Variants in PDE4D observed in about 807,000 individuals in gnomAD.
The protein encoded by PDE4D is phosphodiesterase 4D, also known as 3',5'-cyclic-AMP phosphodiesterase 4D.
PDE4D carries 24 observed loss-of-function variants against 87.4 expected under a neutral mutation model. The observed-to-expected ratio is 0.27, with a 90% CI of 0.20 to 0.39. The LOEUF (loss-of-function observed/expected upper bound fraction) is 0.39. PDE4D is among the 10% of genes least tolerant of loss of function. The probability of loss-of-function intolerance (pLI) is 1.00; values close to 1 mark genes in which losing one functional copy is unlikely to be tolerated. For missense variants in PDE4D, 714 were observed against 1,041.0 expected, an observed-to-expected ratio of 0.69 and a Z score of 4.32; for synonymous variants, 384 against 383.2, an observed-to-expected ratio of 1.00 and a Z score of -0.02.
intron 1 of PDE4D, among the ~76,000 whole-genome samples, chr5:60,313,114 A>T (rs1010936876): frequency 6.6e-6 from 1 of 152,128 alleles, no homozygotes; most frequent in Non-Finnish European, 1.5e-5. Context: ...AAAACAAAAA[A>T]AATTGAAAGA....
At chr5:60,144,499 A>G (rs1456675540) in intron 2 of PDE4D, among the ~76,000 whole-genome samples, 1 of 152,236 alleles carries the variant, frequency 6.6e-6, no homozygotes, top group Admixed American at 6.5e-5. Flanking sequence ...GCACAGCAGT[A>G]AGATGATCTC....
At chr5:59,589,683 AAT>A (rs1226486337) in intron 1 of PDE4D, among the ~76,000 whole-genome samples, 1 of 152,172 alleles carries the variant, frequency 6.6e-6, no homozygotes, top group African/African-American at 2.4e-5. Flanking sequence ...GGATAGTAAG[AAT>A]ACCTCTGAAT....
intron 1 of PDE4D, among the ~76,000 whole-genome samples, chr5:60,378,335 C>T (rs1391958552): frequency 6.6e-6 from 1 of 152,142 alleles, no homozygotes; most frequent in Non-Finnish European, 1.5e-5. Flanking sequence ...ATACTCTACT[C>T]CTAATACCAG....
chr5:58,983,928 G>T (rs1745816068), intron 11 of PDE4D, among the ~76,000 whole-genome samples: 2 of 152,170 alleles, frequency 1.3e-5, no homozygotes, highest in African/African-American at 2.4e-5. Context: ...GTGCCTTTTT[G>T]TGTCTTATGA....
intron 3 of PDE4D, among the ~76,000 whole-genome samples, chr5:59,190,043 TCTC>T (rs1334481354): frequency 6.6e-6 from 1 of 152,280 alleles, no homozygotes; most frequent in Non-Finnish European, 1.5e-5. Context: ...CTTCCTAAAT[TCTC>T]CTCTAATTTA....
At chr5:59,495,650 G>A (rs1807040772) in intron 1 of PDE4D, among the ~76,000 whole-genome samples, 1 of 152,184 alleles carries the variant, frequency 6.6e-6, no homozygotes, top group Non-Finnish European at 1.5e-5. Flanking sequence ...AGTTCCCGAA[G>A]CCAGGTTTCT....
intron 1 of PDE4D, among the ~76,000 whole-genome samples, chr5:59,689,443 C>T (rs1268435909): frequency 2.0e-5 from 3 of 152,204 alleles, no homozygotes; most frequent in Non-Finnish European, 2.9e-5. Context: ...TGTAATCCAG[C>T]ATATAAACAG....
intron 2 of PDE4D, chr5:60,147,982 GA>G: frequency 3.3e-6 from 1 of 303,736 alleles, no homozygotes; most frequent in Non-Finnish European, 6.6e-6. Context: ...TGGCCACAGA[GA>G]TCAACCCTGA....
intron 1 of PDE4D, among the ~76,000 whole-genome samples, chr5:59,438,059 G>T (rs1198065132): frequency 6.6e-6 from 1 of 152,154 alleles, no homozygotes; most frequent in East Asian, 1.9e-4. Context: ...CTGCATGGGG[G>T]AAACTGCTCC....
At chr5:60,223,649 G>A (rs1744757343) in intron 1 of PDE4D, among the ~76,000 whole-genome samples, 1 of 152,032 alleles carries the variant, frequency 6.6e-6, no homozygotes, top group Non-Finnish European at 1.5e-5. Flanking sequence ...CATTCCCACT[G>A]TAAAAGAATA....
chr5:60,116,109 T>C (rs2149367708), intron 2 of PDE4D, among the ~76,000 whole-genome samples: 1 of 152,082 alleles, frequency 6.6e-6, no homozygotes, highest in South Asian at 2.1e-4. Context: ...TCCAGAAAGG[T>C]CTTCTACATA....
intron 1 of PDE4D, among the ~76,000 whole-genome samples, chr5:60,520,309 A>AT (rs1166896852): frequency 6.6e-6 from 1 of 152,092 alleles, no homozygotes; most frequent in East Asian, 1.9e-4. Context: ...ATGCTCTCCC[A>AT]TGTCAGACAG....
At chr5:60,090,489 T>C (rs1253157521) in intron 2 of PDE4D, among the ~76,000 whole-genome samples, 1 of 152,160 alleles carries the variant, frequency 6.6e-6, no homozygotes, top group Non-Finnish European at 1.5e-5. Flanking sequence ...TCCTTCATGA[T>C]AATAACTGTC....
At chr5:59,505,578 A>G (rs1419811399) in intron 1 of PDE4D, among the ~76,000 whole-genome samples, 2 of 152,210 alleles carry the variant, frequency 1.3e-5, no homozygotes, top group Non-Finnish European at 1.5e-5. Flanking sequence ...CTTAGAATCT[A>G]CTATGTGCCA....
intron 2 of PDE4D, among the ~76,000 whole-genome samples, chr5:60,018,897 A>T (rs1765772550): frequency 1.3e-5 from 2 of 152,156 alleles, no homozygotes; most frequent in African/African-American, 2.4e-5. Flanking sequence ...AGACTTAAAC[A>T]CCCTACTGTC....
chr5:59,049,885 C>T (rs989917223), intron 5 of PDE4D, among the ~76,000 whole-genome samples: 1 of 152,134 alleles, frequency 6.6e-6, no homozygotes, highest in Admixed American at 6.5e-5. Flanking sequence ...CTCTGTTTAG[C>T]ATTTATATCT....
chr5:60,338,357 T>C (rs1360129649), intron 1 of PDE4D, among the ~76,000 whole-genome samples: 1 of 152,180 alleles, frequency 6.6e-6, no homozygotes, highest in Non-Finnish European at 1.5e-5. Flanking sequence ...ACGACCACTA[T>C]CCTGTAGCAA....
intron 1 of PDE4D, among the ~76,000 whole-genome samples, chr5:59,250,098 C>A (rs187699766): frequency 6.6e-6 from 1 of 152,016 alleles, no homozygotes; most frequent in Non-Finnish European, 1.5e-5. Flanking sequence ...CTCACTTTGG[C>A]CTCCCAAAGT....
intron 1 of PDE4D, chr5:59,313,975 T>C (rs1773188558): frequency 6.6e-6 from 1 of 152,004 alleles, no homozygotes; most frequent in African/African-American, 2.4e-5. Context: ...TTCCTGTGAG[T>C]CATTGGAAGA....
Sources: allele counts gnomAD v4.1 joint callset (sites outside exome capture counted in the v4.1 genomes callset), GRCh38; gene constraint gnomAD v4.1.1; transcripts MANE v1.5; gene names NCBI Gene and HGNC (gene_info 2026-07-23, HGNC 2026-07-21).